ZNF611: variants seen among roughly 807,000 people sequenced by gnomAD.
ZNF611 encodes zinc finger protein 611.
A neutral mutation model predicts 8.9 loss-of-function variants in ZNF611; 6 were observed. The observed-to-expected ratio is 0.68, with a 90% confidence interval of 0.37 to 1.34. The LOEUF (loss-of-function observed/expected upper bound fraction) is 1.34. Ranked by LOEUF, ZNF611 falls within the 40% of genes most tolerant of loss-of-function variation. The pLI is 0.02. For synonymous variants in ZNF611, 262 were observed against 279.7 expected, an observed-to-expected ratio of 0.94 and a Z score of 0.63; for missense variants, 874 against 841.3, an observed-to-expected ratio of 1.04 and a Z score of -0.48.
rs767614556 is a variant in ZNF611 at position 52,704,927 on chromosome 19, C to T, written c.*10G>A. On this transcript the variant is annotated 3_prime_UTR_variant, in exon 6 of 6. Transcript: ENST00000652185. ...TTCCAAATGGAAACTTTGTCACATG[C>T]TTCACATTTCTAAGGTTTCTCTCCA... 11 of 1,613,224 alleles carry T rather than the reference C, an allele frequency of 6.8e-6. No individual in the cohort carries two copies. Among genetic ancestry groups the T allele is most frequent in the Admixed American group, 1.7e-5 (1 of 59,942 alleles).
intron 5 of ZNF611, 109 bp downstream of exon 5, chr19:52,713,906 A>AAAAACAG: frequency 6.4e-7 from 1 of 1,562,590 alleles, no homozygotes; most frequent in Non-Finnish European, 8.6e-7. Flanking sequence ...ACAAAAAACA[A>AAAAACAG]AAAACAAAAC....
intron 4 of ZNF611, among the ~76,000 whole-genome samples, chr19:52,714,680 T>C (rs2062303444): frequency 5.1e-5 from 4 of 78,912 alleles, no homozygotes; most frequent in African/African-American, 7.7e-5. Context: ...AGACTGACAC[T>C]CCATCTCAAA....
At chr19:52,708,221 C>T (rs778504890) in intron 5 of ZNF611, 41 of 152,246 alleles carry the variant, frequency 2.7e-4, no homozygotes, top group Non-Finnish European at 4.1e-4. Flanking sequence ...TTAGGCCAGG[C>T]GCCTTGGCTC....
At chr19:52,727,033 C>T (rs989496815) in intron 3 of ZNF611, among the ~76,000 whole-genome samples, 3 of 151,718 alleles carry the variant, frequency 2.0e-5, no homozygotes, top group Non-Finnish European at 4.4e-5. Flanking sequence ...GCCCAGCTAA[C>T]TTTTGTATTT....
At chr19:52,721,794 C>T (rs1033492080) in intron 3 of ZNF611, among the ~76,000 whole-genome samples, 5 of 151,874 alleles carry the variant, frequency 3.3e-5, no homozygotes, top group Non-Finnish European at 5.9e-5. Context: ...GATGGAGTTT[C>T]GCTCTTGTTG....
At chr19:52,723,231 C>T (rs958239936) in intron 3 of ZNF611, among the ~76,000 whole-genome samples, 1 of 150,660 alleles carries the variant, frequency 6.6e-6, no homozygotes, top group African/African-American at 2.4e-5. Context: ...CTCTTCTGCT[C>T]CATCCTCACA....
At chr19:52,733,746 A>G (rs574653697) in intron 1 of ZNF611, among the ~76,000 whole-genome samples, 45 of 148,792 alleles carry the variant, frequency 3.0e-4, no homozygotes, top group African/African-American at 8.7e-4. Flanking sequence ...CTCTCCTGCT[A>G]TTCATCCCCT....
In ZNF611 at chr19:52,734,848, C is replaced by T. The variant is rs141841648; in HGVS notation, c.-222+153G>A. Among the ~76,000 whole-genome samples, 799 of 152,330 alleles carry T rather than the reference C, an allele frequency of 5.2e-3. 18 individuals carry two copies. The highest frequency in any genetic ancestry group is 3.3e-3 in the Non-Finnish European group (222 of 68,030). ...GGACGACTTTAAACCCAAAAGGAAG[C>T]GACCCTCGGGCTCTCACGGGGATGT... On this transcript the variant is annotated intron_variant, in intron 1 of 5. Coordinates refer to ENST00000652185, the MANE Select transcript of ZNF611 (RefSeq NM_001161499.2).
chr19:52,725,701 A>C (rs1056065776), intron 3 of ZNF611, among the ~76,000 whole-genome samples: 2 of 152,118 alleles, frequency 1.3e-5, no homozygotes, highest in Non-Finnish European at 1.5e-5. Flanking sequence ...CAGACTTAAT[A>C]CAAGGCAGAG....
At chr19:52,731,223 C>T (rs770494567) in intron 1 of ZNF611, among the ~76,000 whole-genome samples, 2 of 152,112 alleles carry the variant, frequency 1.3e-5, no homozygotes, top group Non-Finnish European at 2.9e-5. Context: ...TGTGCCACCA[C>T]GCTCAGCTAA....
At chr19:52,710,525 C>T (rs1338054154) in intron 5 of ZNF611, among the ~76,000 whole-genome samples, 2 of 152,052 alleles carry the variant, frequency 1.3e-5, no homozygotes, top group Non-Finnish European at 2.9e-5. Context: ...ACATCATGCC[C>T]GTCCAATGTT....
chr19:52,733,790 C>T (rs572240057), intron 1 of ZNF611, among the ~76,000 whole-genome samples: 3 of 151,974 alleles, frequency 2.0e-5, no homozygotes, highest in Non-Finnish European at 4.4e-5. Context: ...CACCTCTTCT[C>T]CTCCATCCTC....
At position 52,703,866 on chromosome 19, in the gene ZNF611, T is replaced by C. The variant is rs7257459; in HGVS notation, c.*1071A>G. ...TCGGCCTCCCAAAGTGCTGGGATTATAGGCATGAGCCTCCGTGCCTGGCCT... is the reference window on the plus strand; with the variant it reads ...TCGGCCTCCCAAAGTGCTGGGATTACAGGCATGAGCCTCCGTGCCTGGCCT... On this transcript the variant is annotated 3_prime_UTR_variant, in exon 6 of 6. Coordinates refer to ENST00000652185, the MANE Select transcript of ZNF611 (RefSeq NM_001161499.2). 30,784 of 153,960 alleles carry C rather than the reference T, an allele frequency of 0.2. 3,842 individuals are homozygous for C. Among genetic ancestry groups the C allele is most frequent in the Non-Finnish European group, 0.28 (19,553 of 69,346 alleles). 9.5% of individuals were successfully genotyped at this position (153,960 alleles called of 1,614,324 possible).
chr19:52,705,065 G>C lies in ZNF611; in HGVS notation c.1990C>G (p.Leu664Val), dbSNP rs371086322. ...ICDKAFVRNSLLSRHTRIHTA... is the reference protein window; with the variant it reads ...ICDKAFVRNSVLSRHTRIHTA... ...TGAATTCTGGTATGTCTTGACAGGA[G>C]TGAATTACGCACGAAAGCCTTGTCA... The change falls in exon 6 of 6, where the codon CTC (leucine) becomes GTC (valine). Residue 664 changes from leucine to valine, a missense_variant. Transcript: ENST00000652185. 5.6e-6 allele frequency: 9 copies of C among 1,613,948 alleles called. No homozygotes were observed. In the African/African-American group the frequency reaches 1.1e-4, roughly 19 times the overall value.
intron 5 of ZNF611, among the ~76,000 whole-genome samples, chr19:52,713,436 G>A (rs1372351593): frequency 6.6e-6 from 1 of 152,122 alleles, no homozygotes; most frequent in Non-Finnish European, 1.5e-5. Flanking sequence ...ATGAACAAGA[G>A]TTCAGTCAAG....
At chr19:52,733,817 C>T (rs1399018989) in intron 1 of ZNF611, among the ~76,000 whole-genome samples, 1 of 152,054 alleles carries the variant, frequency 6.6e-6, no homozygotes, top group Non-Finnish European at 1.5e-5. Flanking sequence ...TATTTAACCT[C>T]TTATTGCTCC....
chr19:52,726,198 G>A lies in ZNF611; in HGVS notation c.-20+2532C>T, dbSNP rs182176337. 4.4e-3 allele frequency among the ~76,000 whole-genome samples: 671 copies of A among 152,186 alleles called. 3 individuals are homozygous for A. Among genetic ancestry groups the A allele is most frequent in the Non-Finnish European group, 7.6e-3 (520 of 68,018 alleles). On this transcript the variant is annotated intron_variant, in intron 3 of 5. Transcript: ENST00000652185. ...AGCCTTTGCTTGGGATGCGGGACTGGGTGCTCAGGCCAGGGAGGAGTGAGG... is the reference window on the plus strand; with the variant it reads ...AGCCTTTGCTTGGGATGCGGGACTGAGTGCTCAGGCCAGGGAGGAGTGAGG...
At chr19:52,732,163 C>G (rs113556984) in intron 1 of ZNF611, among the ~76,000 whole-genome samples, 10,614 of 147,628 alleles carry the variant, frequency 0.072, 891 homozygotes, top group African/African-American at 0.19. Context: ...CCAGCTACTC[C>G]GGAGGCTGAG....
intron 3 of ZNF611, among the ~76,000 whole-genome samples, chr19:52,727,040 A>ATT (rs1855071582): frequency 6.6e-6 from 1 of 151,770 alleles, no homozygotes; most frequent in African/African-American, 2.4e-5. Flanking sequence ...TAACTTTTGT[A>ATT]TTTTTGGTAG....
Sources: gnomAD v4.1 joint callset for allele counts (sites outside exome capture counted in the v4.1 genomes callset) on GRCh38, gnomAD v4.1.1 for gene constraint, MANE v1.5 for transcripts, NCBI Gene and HGNC (gene_info 2026-07-23, HGNC 2026-07-21) for gene names.